The following CNTNAP2 variants were observed in gnomAD, a reference collection of about 807,000 sequenced individuals.
CNTNAP2 encodes the protein contactin-associated protein-like 2.
A neutral mutation model predicts 155.2 loss-of-function variants in CNTNAP2; 98 were observed. The ratio of observed to expected loss-of-function variants is 0.63; its 90% CI spans 0.54 to 0.75. The LOEUF (loss-of-function observed/expected upper bound fraction) is 0.75. Among genes scored for constraint, CNTNAP2 ranks in the 30% least tolerant of loss-of-function variants. CNTNAP2 has a pLI of 0.00. For missense variants in CNTNAP2, 1,727 were observed against 1,688.1 expected (o/e 1.02, Z -0.40); for synonymous variants, 651 against 631.2 (o/e 1.03, Z -0.47).
In CNTNAP2 at chr7:148,409,299, G is replaced by T. The variant is rs1799771929; in HGVS notation, c.3716-92G>T. 3.1e-6 allele frequency: 3 copies of T among 973,024 alleles called. No homozygotes were observed. In the Admixed American group the frequency reaches 5.3e-5, roughly 17 times the overall value. The allele number at this position is 973,024 out of a possible 1,614,324, so 60.3% of individuals were successfully genotyped here. A position where few individuals can be genotyped will look rare whatever the true frequency, so the allele number is the denominator to read the frequency against. ...GAGATTTCATTTGGGAAAACAGGAA[G>T]TGTTGAAGAGTTGCATGAAGAAATA... On this transcript the variant is annotated intron_variant, in intron 22 of 23. Transcript: ENST00000361727.
chr7:147,775,351 ATATATATTTATAAATATATATATATT>A (rs1797562382), intron 13 of CNTNAP2, among the ~76,000 whole-genome samples: 4 of 42,790 alleles, frequency 9.3e-5, no homozygotes, highest in East Asian at 8.1e-4. Flanking sequence ...ATATATATTT[ATATATATTTATAAATATATATATATT>A]TATATATATT....
At chr7:146,321,986 T>A (rs1391880074) in intron 1 of CNTNAP2, among the ~76,000 whole-genome samples, 1 of 151,692 alleles carries the variant, frequency 6.6e-6, no homozygotes, top group Admixed American at 6.6e-5. Context: ...TGAAAAAAAA[T>A]TCAGGGAAAA....
chr7:146,846,134 A>C (rs975736126), intron 3 of CNTNAP2, among the ~76,000 whole-genome samples: 1 of 152,178 alleles, frequency 6.6e-6, no homozygotes, highest in Non-Finnish European at 1.5e-5. Context: ...CTGCCCCTAC[A>C]TCTTCCATCG....
chr7:146,435,159 T>C (rs145254158), intron 1 of CNTNAP2, among the ~76,000 whole-genome samples: 1 of 152,170 alleles, frequency 6.6e-6, no homozygotes, highest in Non-Finnish European at 1.5e-5. Context: ...TTGGCCAACA[T>C]AGCTAGTGGG....
Position 148,093,711 on chromosome 7 carries a change from C to T in CNTNAP2, c.2384-24407C>T, listed in dbSNP as rs372701087. ...TCTGAAACCCATTACCGTTGTCCAC[C>T]CACCATCATAGAAAATTATTTTAAA... is the stretch of plus-strand genomic sequence containing the variant. On this transcript the variant is annotated intron_variant, in intron 15 of 23. Transcript: ENST00000361727. Among the ~76,000 whole-genome samples, 8 of 152,268 alleles carry T rather than the reference C, an allele frequency of 5.3e-5. No homozygotes were observed. In the East Asian group the frequency reaches 1.3e-3, roughly 26 times the overall value.
intron 1 of CNTNAP2, among the ~76,000 whole-genome samples, chr7:146,231,771 G>A (rs1207091441): frequency 2.0e-5 from 3 of 152,092 alleles, no homozygotes; most frequent in Non-Finnish European, 4.4e-5. Flanking sequence ...TTGGTTTCTC[G>A]TGGCACCTAT....
chr7:146,148,762 A>G (rs1410488242), intron 1 of CNTNAP2, among the ~76,000 whole-genome samples: 3 of 152,194 alleles, frequency 2.0e-5, no homozygotes, highest in Non-Finnish European at 4.4e-5. Context: ...TATACACAGG[A>G]GAACATGATA....
chr7:148,162,939 G>A (rs150047871), intron 17 of CNTNAP2, among the ~76,000 whole-genome samples: 1,665 of 152,352 alleles, frequency 0.011, 35 homozygotes, highest in African/African-American at 0.038. Flanking sequence ...GGTCAAGGCT[G>A]CAGTGAACCA....
intron 1 of CNTNAP2, among the ~76,000 whole-genome samples, chr7:146,527,759 T>G (rs1275909160): frequency 6.6e-6 from 1 of 151,936 alleles, no homozygotes; most frequent in African/African-American, 2.4e-5. Flanking sequence ...ATTCGACAAG[T>G]GGATAATGTT....
At chr7:146,389,513 A>T (rs1795508829) in intron 1 of CNTNAP2, among the ~76,000 whole-genome samples, 1 of 151,416 alleles carries the variant, frequency 6.6e-6, no homozygotes, top group Non-Finnish European at 1.5e-5. Flanking sequence ...TGTCCAATTC[A>T]TATCAACTTT....
intron 1 of CNTNAP2, among the ~76,000 whole-genome samples, chr7:146,584,955 C>G (rs867623022): frequency 6.6e-6 from 1 of 151,914 alleles, no homozygotes. Context: ...CAAAGTGACA[C>G]CTATATTTAA....
At chr7:147,373,111 A>G (rs1467115069) in intron 9 of CNTNAP2, among the ~76,000 whole-genome samples, 5 of 152,100 alleles carry the variant, frequency 3.3e-5, no homozygotes, top group Non-Finnish European at 5.9e-5. Flanking sequence ...TAACTTTCAA[A>G]GGGCAATTAG....
intron 18 of CNTNAP2, among the ~76,000 whole-genome samples, chr7:148,180,575 C>T (rs550617983): frequency 1.3e-5 from 2 of 152,142 alleles, no homozygotes; most frequent in South Asian, 4.2e-4. Context: ...TGAATAGGGA[C>T]TTACCAACAG....
chr7:146,215,405 T>G (rs1330794052), intron 1 of CNTNAP2, among the ~76,000 whole-genome samples: 1 of 152,120 alleles, frequency 6.6e-6, no homozygotes, highest in Non-Finnish European at 1.5e-5. Flanking sequence ...TTCAAAAATA[T>G]AATTAACCCA....
At chr7:147,782,924 G>A (rs530596423) in intron 13 of CNTNAP2, among the ~76,000 whole-genome samples, 8 of 152,256 alleles carry the variant, frequency 5.3e-5, no homozygotes, top group African/African-American at 1.7e-4. Flanking sequence ...TAATACTGCA[G>A]TTTAAATCAT....
At chr7:146,920,440 G>T (rs1052834090) in intron 3 of CNTNAP2, among the ~76,000 whole-genome samples, 9 of 151,546 alleles carry the variant, frequency 5.9e-5, no homozygotes, top group Admixed American at 1.3e-4. Context: ...AATACTGAAG[G>T]TGATAAATAG....
At chr7:147,953,430 C>T (rs1382596871) in intron 14 of CNTNAP2, among the ~76,000 whole-genome samples, 1 of 119,902 alleles carries the variant, frequency 8.3e-6, no homozygotes, top group Non-Finnish European at 2.0e-5. Flanking sequence ...TCATTCCATA[C>T]CTAGATGATG....
chr7:146,358,050 T>A (rs576489850), intron 1 of CNTNAP2, among the ~76,000 whole-genome samples: 7 of 139,562 alleles, frequency 5.0e-5, no homozygotes, highest in Admixed American at 2.1e-4. Flanking sequence ...TTATTTATTT[T>A]TTGAGATGGA....
At chr7:146,914,089 A>T (rs888719405) in intron 3 of CNTNAP2, among the ~76,000 whole-genome samples, 1 of 151,936 alleles carries the variant, frequency 6.6e-6, no homozygotes, top group Non-Finnish European at 1.5e-5. Flanking sequence ...ATATTTCATT[A>T]TTTATGGCTT....
Sources: allele counts gnomAD v4.1 joint callset (sites outside exome capture counted in the v4.1 genomes callset), GRCh38; gene constraint gnomAD v4.1.1; transcripts MANE v1.5; gene names NCBI Gene and HGNC (gene_info 2026-07-23, HGNC 2026-07-21).